The following ATP11B variants were observed in gnomAD, a reference collection of about 807,000 sequenced individuals.
The protein encoded by ATP11B is ATPase phospholipid transporting 11B (putative).
Under a neutral mutation model 157.8 loss-of-function variants are expected in ATP11B, and 81 were observed. That is an observed-to-expected ratio of 0.51 (90% CI 0.43 to 0.62). The LOEUF is 0.62. ATP11B is among the 20% of genes least tolerant of loss of function. The probability of loss-of-function intolerance (pLI) is 0.00; values close to 1 mark genes in which losing one functional copy is unlikely to be tolerated. For missense variants in ATP11B, 1,165 were observed against 1,402.2 expected (o/e 0.83, Z 2.70); for synonymous variants, 451 against 469.4 (o/e 0.96, Z 0.51).
At chr3:182,914,798 A>G (rs375358497) in intron 29 of ATP11B, 55 of 985,294 alleles carry the variant, frequency 5.6e-5, no homozygotes, top group Middle Eastern at 1.0e-3. Flanking sequence ...CCCAAGAGTT[A>G]TATCACTATT....
chr3:182,799,786 C>T (rs1314925604), intron 1 of ATP11B, among the ~76,000 whole-genome samples: 1 of 151,508 alleles, frequency 6.6e-6, no homozygotes, highest in East Asian at 1.9e-4. Flanking sequence ...TGCTTTTTTT[C>T]CTGGAGTTTC....
rs10716562 is a variant in ATP11B at position 182,908,196 on chromosome 3, CTTTTTTTTTTTTT to C, written c.3319-5652_3319-5640del. Among the ~76,000 whole-genome samples, 82 of 70,722 alleles carry C rather than the reference CTTTTTTTTTTTTT, an allele frequency of 1.2e-3. 1 individual carries two copies. Among genetic ancestry groups the C allele is most frequent in the Non-Finnish European group, 1.7e-3 (68 of 38,862 alleles). The allele number at this position is 70,722 out of a possible 152,430, so 46.4% of individuals were successfully genotyped here. A position where few individuals can be genotyped will look rare whatever the true frequency, so the allele number is the denominator to read the frequency against. On this transcript the variant is annotated intron_variant, in intron 28 of 29. Transcript: ENST00000323116. ...AATATAATTCTCATATTATTATTTT[CTTTTTTTTTTTTT>C]TTTTTTTTTTTTGAGCTAGACATAG...
chr3:182,862,490 T>G (rs1720918348), intron 12 of ATP11B, among the ~76,000 whole-genome samples: 1 of 152,142 alleles, frequency 6.6e-6, no homozygotes, highest in Non-Finnish European at 1.5e-5. Flanking sequence ...TTCTGTCCAG[T>G]TCAGCCTACT....
At chr3:182,812,546 C>T (rs550742266) in intron 1 of ATP11B, among the ~76,000 whole-genome samples, 2 of 152,276 alleles carry the variant, frequency 1.3e-5, no homozygotes, top group South Asian at 2.1e-4. Flanking sequence ...AAACCTTACA[C>T]ATTTATTTTT....
intron 25 of ATP11B, among the ~76,000 whole-genome samples, chr3:182,891,033 A>G (rs1399161697): frequency 6.6e-6 from 1 of 152,248 alleles, no homozygotes; most frequent in Non-Finnish European, 1.5e-5. Flanking sequence ...AATTTAAAGT[A>G]TAATAAAAAA....
chr3:182,805,394 T>A (rs1036656541), intron 1 of ATP11B, among the ~76,000 whole-genome samples: 4 of 152,218 alleles, frequency 2.6e-5, no homozygotes, highest in Admixed American at 1.3e-4. Context: ...CAATTTTTTT[T>A]ATGTACCTGT....
chr3:182,869,490 C>T (rs775703276), intron 17 of ATP11B, among the ~76,000 whole-genome samples, 159 bp downstream of exon 17: 17 of 152,162 alleles, frequency 1.1e-4, no homozygotes, highest in African/African-American at 3.4e-4. Context: ...TGACTTTTAA[C>T]GCAAGCAAAA....
At chr3:182,883,816 G>A (rs1396273311) in intron 21 of ATP11B, among the ~76,000 whole-genome samples, 6 of 149,586 alleles carry the variant, frequency 4.0e-5, no homozygotes, top group East Asian at 2.0e-4. Flanking sequence ...TTAGCCGGGC[G>A]TAGTGGCGGG....
intron 29 of ATP11B, chr3:182,916,755 A>G: frequency 1.0e-6 from 1 of 984,974 alleles, no homozygotes; most frequent in Non-Finnish European, 1.2e-6. Context: ...ACCTAATAAG[A>G]TTATTCTGTG....
At chr3:182,917,958 A>T (rs972061689) in intron 29 of ATP11B, 65 bp from the exon 30 acceptor site, 1 of 1,588,084 alleles carries the variant, frequency 6.3e-7, no homozygotes, top group East Asian at 2.2e-5. Context: ...GTTTTAGAGT[A>T]AATTTTTTTC....
intron 12 of ATP11B, among the ~76,000 whole-genome samples, chr3:182,863,624 A>G (rs757257129): frequency 1.3e-5 from 2 of 152,094 alleles, no homozygotes; most frequent in Non-Finnish European, 2.9e-5. Context: ...TCATTTCCAT[A>G]TTATCCAAAA....
chr3:182,916,872 A>G (rs1236073104), intron 29 of ATP11B: 3 of 983,180 alleles, frequency 3.1e-6, no homozygotes, highest in East Asian at 2.3e-4. Flanking sequence ...GTTAAAAGTT[A>G]TAGTTAAAAG....
At chr3:182,812,487 T>A (rs772715336) in intron 1 of ATP11B, among the ~76,000 whole-genome samples, 1 of 152,250 alleles carries the variant, frequency 6.6e-6, no homozygotes, top group Non-Finnish European at 1.5e-5. Context: ...TATAGAAACC[T>A]TAAATTCTCC....
At chr3:182,872,720 C>G (rs768798131) in intron 18 of ATP11B, among the ~76,000 whole-genome samples, 183 bp downstream of exon 18, 1 of 152,162 alleles carries the variant, frequency 6.6e-6, no homozygotes, top group Non-Finnish European at 1.5e-5. Context: ...AGCTAGATAC[C>G]TGAAATGGAT....
At chr3:182,880,729 C>A (rs1040519544) in intron 20 of ATP11B, 150 bp from the exon 21 acceptor site, 1 of 414,212 alleles carries the variant, frequency 2.4e-6, no homozygotes, top group Non-Finnish European at 4.3e-6. Context: ...GAGATACCCT[C>A]AAAAAAATGA....
At chr3:182,833,078 C>T (rs1209215264) in intron 4 of ATP11B, among the ~76,000 whole-genome samples, 2 of 151,960 alleles carry the variant, frequency 1.3e-5, no homozygotes, top group Non-Finnish European at 2.9e-5. Context: ...ATTCATACTT[C>T]ATACCATATA....
intron 12 of ATP11B, among the ~76,000 whole-genome samples, chr3:182,863,125 C>T (rs574079119): frequency 8.6e-5 from 13 of 151,898 alleles, no homozygotes; most frequent in Non-Finnish European, 1.3e-4. Context: ...ACCGTGGTCT[C>T]GATCTCCTGA....
chr3:182,811,718 T>C (rs143053165), intron 1 of ATP11B, among the ~76,000 whole-genome samples: 4 of 152,336 alleles, frequency 2.6e-5, no homozygotes, highest in Admixed American at 1.3e-4. Context: ...TTCAGTGATA[T>C]TATTATTTTG....
intron 9 of ATP11B, among the ~76,000 whole-genome samples, chr3:182,847,209 C>T (rs534993629): frequency 7.1e-4 from 108 of 152,138 alleles, no homozygotes; most frequent in African/African-American, 2.6e-3. Flanking sequence ...TGCCACCATG[C>T]CCGGCTAATT....
Sources: allele counts gnomAD v4.1 joint callset (sites outside exome capture counted in the v4.1 genomes callset), GRCh38; gene constraint gnomAD v4.1.1; transcripts MANE v1.5; gene names NCBI Gene and HGNC (gene_info 2026-07-23, HGNC 2026-07-21).